Variants in RBM44 observed in about 807,000 individuals in gnomAD.
RBM44 encodes RNA binding motif protein 44, also known as RNA-binding protein 44.
In RBM44, 66 loss-of-function variants were observed where a neutral mutation model predicts 105.1. The observed-to-expected ratio is 0.63, with a 90% CI of 0.52 to 0.77. The LOEUF (loss-of-function observed/expected upper bound fraction) is 0.77. RBM44 is among the 30% of genes least tolerant of loss of function. The pLI, the probability that RBM44 is intolerant of heterozygous loss-of-function variation, is 0.00. For synonymous variants in RBM44, 365 were observed against 417.6 expected (o/e 0.87, Z 1.54); for missense variants, 1,122 against 1,207.8 (o/e 0.93, Z 1.05).
chr2:237,818,811 C>A lies in RBM44; in HGVS notation c.1678-90C>A. The A allele has an allele frequency of 1.3e-6, 1 of 791,350 alleles. No homozygotes were observed. The highest frequency in any genetic ancestry group is 2.0e-6 in the Non-Finnish European group (1 of 501,632). 49.0% of individuals were successfully genotyped at this position (791,350 alleles called of 1,614,324 possible). A position where few individuals can be genotyped will look rare whatever the true frequency, so the allele number is the denominator to read the frequency against. On this transcript the variant is annotated intron_variant, in intron 3 of 15. Transcript: ENST00000316997. The surrounding 1 kb of genome is among the most constrained non-coding windows in gnomAD (Gnocchi z 4.6). ...CCTCCTCTCCTGGCAGCTCCTCCCA[C>A]AAAATCCATTAGAAATTGAATTGTA...
At chr2:237,840,575 G>T (rs962562307) in intron 15 of RBM44, among the ~76,000 whole-genome samples, 8 of 152,116 alleles carry the variant, frequency 5.3e-5, no homozygotes, top group African/African-American at 1.9e-4. Context: ...ATTGACAAAT[G>T]GGACCTAATT....
chr2:237,829,553 G>A (rs2061883588), intron 13 of RBM44, 51 bp downstream of exon 13: 1 of 1,460,442 alleles, frequency 6.8e-7, no homozygotes, highest in Non-Finnish European at 9.3e-7. Flanking sequence ...TCATATTGCT[G>A]TAAGTAGCTT....
chr2:237,811,230 C>A (rs1420268309), intron 1 of RBM44, among the ~76,000 whole-genome samples: 1 of 152,076 alleles, frequency 6.6e-6, no homozygotes, highest in Non-Finnish European at 1.5e-5. Context: ...TCCCTTATCC[C>A]TTCGATGCTT....
chr2:237,820,056 A>G (rs1036937140), intron 4 of RBM44, 119 bp from the exon 5 acceptor site: 18 of 521,120 alleles, frequency 3.5e-5, no homozygotes, highest in African/African-American at 3.2e-4. Flanking sequence ...CATCTTTAGT[A>G]TAAATTGATT....
Position 237,803,198 on chromosome 2 carries a change from T to G in RBM44, c.-19+4337T>G, listed in dbSNP as rs1260375976. Among the ~76,000 whole-genome samples, 1 of 151,714 alleles carries G rather than the reference T, an allele frequency of 6.6e-6. No individual in the cohort carries two copies. Among genetic ancestry groups the G allele is most frequent in the Non-Finnish European group, 1.5e-5 (1 of 67,936 alleles). On this transcript the variant is annotated intron_variant, in intron 1 of 15. Coordinates refer to ENST00000316997, the MANE Select transcript of RBM44 (RefSeq NM_001080504.3). The surrounding 1 kb of genome is among the most constrained non-coding windows in gnomAD (Gnocchi z 4.2). ...AGGAGAATCACTTTGACCTGGGAGG[T>G]AGGGGTTGCAGTGAGCCAAGATCAC...
At chr2:237,821,027 T>C in intron 5 of RBM44, 44 bp from the exon 6 acceptor site, 1 of 1,406,852 alleles carries the variant, frequency 7.1e-7, no homozygotes, top group Non-Finnish European at 9.7e-7. Context: ...AATGGATGAC[T>C]TAGGCCTAAA....
rs762403952 is a variant in RBM44 at position 237,813,622 on chromosome 2, G to T, written c.13G>T (p.Ala5Ser). 1 of 1,607,498 alleles carries T rather than the reference G, an allele frequency of 6.2e-7. No homozygotes were observed. The highest frequency in any genetic ancestry group is 1.7e-5 in the Admixed American group (1 of 59,976). MQAT[A>S]VVETASGKGY... ...ATATCTTTGAATGATGCAGGCCACT[G>T]CAGTGGTGGAGACAGCATCTGGTAA... Residue 5 changes from alanine (A) to serine (S), a missense_variant, in exon 2 of 16, where the codon GCA (alanine) becomes TCA (serine). This residue lies in a region of RBM44 where 918 missense variants were observed against 955.3 expected (regional missense o/e 0.96). Transcript: ENST00000316997.
chr2:237,804,951 A>T (rs943061063), intron 1 of RBM44, among the ~76,000 whole-genome samples: 3 of 152,242 alleles, frequency 2.0e-5, no homozygotes, highest in African/African-American at 4.8e-5. Context: ...AAGGATGCTC[A>T]CTTTCACCAC....
intron 1 of RBM44, among the ~76,000 whole-genome samples, chr2:237,808,882 C>G (rs1191685484): frequency 1.3e-5 from 2 of 152,124 alleles, no homozygotes; most frequent in East Asian, 1.9e-4. Context: ...AAATTTGTTA[C>G]TAAAAAATAA....
intron 2 of RBM44, among the ~76,000 whole-genome samples, chr2:237,816,536 T>A: frequency 6.6e-6 from 1 of 152,088 alleles, no homozygotes; most frequent in Admixed American, 6.6e-5. Flanking sequence ...ATATAGTGAG[T>A]GGCTTAAACA....
At position 237,818,736 on chromosome 2, in the gene RBM44, T is replaced by C. The variant is rs2061750645; in HGVS notation, c.1677+140T>C. The stretch of plus-strand genomic sequence containing the variant: ...GGGAGTAAATTAAAAAGGGAGTAAA[T>C]TAAAAAGTAAATTAAAAAAAAAAGA... On this transcript the variant is annotated intron_variant, in intron 3 of 15. Transcript: ENST00000316997. This position sits in a 1 kb window ranked among gnomAD's most constrained non-coding sequence, Gnocchi z 4.6. 1 of 697,678 alleles carries C rather than the reference T, an allele frequency of 1.4e-6. No homozygotes were observed. The highest frequency in any genetic ancestry group is 2.3e-6 in the Non-Finnish European group (1 of 435,926). 43.2% of individuals were successfully genotyped at this position (697,678 alleles called of 1,614,324 possible). A position where few individuals can be genotyped will look rare whatever the true frequency, so the allele number is the denominator to read the frequency against.
chr2:237,840,891 G>A (rs746455037), intron 15 of RBM44, among the ~76,000 whole-genome samples: 8 of 152,248 alleles, frequency 5.3e-5, no homozygotes, highest in South Asian at 4.2e-4. Flanking sequence ...CACCCAGAAT[G>A]GCTATTACTA....
intron 1 of RBM44, among the ~76,000 whole-genome samples, chr2:237,805,496 C>T (rs1320296593): frequency 6.6e-6 from 1 of 152,124 alleles, no homozygotes; most frequent in Non-Finnish European, 1.5e-5. Context: ...ATTCTAAATT[C>T]ATATGGAACC....
rs753267004 is a variant in RBM44 at position 237,829,350 on chromosome 2, T to C, written c.2734T>C (p.Ser912Pro). Residue 912 changes from serine (S) to proline (P), a missense_variant, in exon 13 of 16, where the codon TCC becomes CCC. This residue lies in a region of RBM44 where 194 missense variants were observed against 225.5 expected (regional missense o/e 0.86). Transcript: ENST00000316997. Reference sequence around the variant, plus strand: ...TCTTGGAGAATATACATCACCACTTTCCTCCAAAAATGGGAATAGAATTAG... The same window carrying C: ...TCTTGGAGAATATACATCACCACTTCCCTCCAAAAATGGGAATAGAATTAG... ...KILGEYTSPLSSKNGNRISSN... is the reference protein window; with the variant it reads ...KILGEYTSPLPSKNGNRISSN... The C allele has an allele frequency of 3.7e-6, 6 of 1,613,670 alleles. No homozygotes were observed. The South Asian group carries it at 5.5e-5, about 15-fold the overall frequency.
chr2:237,820,471 G>A, intron 5 of RBM44, 120 bp downstream of exon 5: 2 of 623,650 alleles, frequency 3.2e-6, no homozygotes, highest in South Asian at 5.2e-5. Context: ...ATTGTTACTG[G>A]GTTTGTTAGT....
At chr2:237,799,544 G>A (rs957968041) in intron 1 of RBM44, 12 of 152,216 alleles carry the variant, frequency 7.9e-5, no homozygotes, top group Admixed American at 7.2e-4. Flanking sequence ...CTGACCTCGT[G>A]ATCATCCCGC....
intron 1 of RBM44, among the ~76,000 whole-genome samples, chr2:237,810,543 C>T (rs1408661140): frequency 6.6e-6 from 1 of 152,154 alleles, no homozygotes; most frequent in African/African-American, 2.4e-5. Context: ...TGGCCAGGTC[C>T]AGGTCTGTTA....
intron 7 of RBM44, 127 bp downstream of exon 7, chr2:237,821,495 T>C (rs2061789665): frequency 1.2e-6 from 1 of 821,488 alleles, no homozygotes; most frequent in East Asian, 2.7e-5. Flanking sequence ...GTGTTTATCT[T>C]TTTTCTTGAC....
chr2:237,836,658 T>C (rs78613133), intron 15 of RBM44, among the ~76,000 whole-genome samples: 4,807 of 151,478 alleles, frequency 0.032, 88 homozygotes, highest in Middle Eastern at 0.086. Context: ...CGTGCACCTA[T>C]AGTCCCAGCT....
Sources: allele counts gnomAD v4.1 joint callset (sites outside exome capture counted in the v4.1 genomes callset), GRCh38; gene constraint gnomAD v4.1.1; regional missense constraint gnomAD v4.1.1; non-coding constraint Gnocchi (gnomAD v3.1); transcripts MANE v1.5; gene names NCBI Gene and HGNC (gene_info 2026-07-23, HGNC 2026-07-21).